The following IKBKB-DT variants were observed in gnomAD, a reference collection of about 807,000 sequenced individuals.
IKBKB-DT encodes IKBKB divergent transcript, also known as IKBKB antisense RNA.
chr8:42,269,956 A>T (rs1194889782), intron 1 of IKBKB-DT, among the ~76,000 whole-genome samples: 1 of 152,212 alleles, frequency 6.6e-6, no homozygotes, highest in East Asian at 1.9e-4. Flanking sequence ...AAAAATGACA[A>T]TTAAATGCAA....
exon 2 of IKBKB-DT, chr8:42,265,796 C>T (rs1807361366): frequency 6.6e-6 from 1 of 152,224 alleles, no homozygotes; most frequent in South Asian, 2.1e-4. Context: ...CTTGTTCCTC[C>T]AGAGAGGGTG....
At chr8:42,253,971 A>G (rs1807161901) in intron 3 of IKBKB-DT, among the ~76,000 whole-genome samples, 1 of 152,234 alleles carries the variant, frequency 6.6e-6, no homozygotes, top group Non-Finnish European at 1.5e-5. Flanking sequence ...TCAAATAAGG[A>G]AGAAGAACAG....
intron 3 of IKBKB-DT, chr8:42,249,118 C>T (rs1234228161): frequency 6.6e-6 from 1 of 152,026 alleles, no homozygotes; most frequent in East Asian, 1.9e-4. Context: ...CCTGCAATCC[C>T]AGCACTTTGG....
At chr8:42,255,069 C>A (rs113970402) in intron 3 of IKBKB-DT, among the ~76,000 whole-genome samples, 4,755 of 151,128 alleles carry the variant, frequency 0.031, 100 homozygotes, top group Non-Finnish European at 0.042. Flanking sequence ...AAGTGAAGAG[C>A]GCCGCTGCCC....
intron 3 of IKBKB-DT, among the ~76,000 whole-genome samples, chr8:42,247,175 G>T (rs571660879): frequency 2.6e-5 from 4 of 152,324 alleles, no homozygotes; most frequent in South Asian, 2.1e-4. Context: ...GCAGTCGGAG[G>T]GGGTGGGCTG....
intron 3 of IKBKB-DT, among the ~76,000 whole-genome samples, chr8:42,252,608 C>A (rs1807143241): frequency 6.6e-6 from 1 of 152,220 alleles, no homozygotes; most frequent in African/African-American, 2.4e-5. Context: ...CTCAAGCAAT[C>A]CTCCTGCGCT....
chr8:42,243,648 C>T (rs568616488), intron 3 of IKBKB-DT, among the ~76,000 whole-genome samples: 4 of 152,260 alleles, frequency 2.6e-5, no homozygotes, highest in South Asian at 2.1e-4. Context: ...AAAGCCACTT[C>T]GGTTTGAAGT....
rs1208809199 is a variant in IKBKB-DT at position 42,240,624 on chromosome 8, C to CAAA, written n.1530-6768_1530-6766dup. Among the ~76,000 whole-genome samples the CAAA allele has an allele frequency of 7.1e-3, 187 of 26,396 alleles. 19 individuals carry two copies. Among genetic ancestry groups the CAAA allele is most frequent in the African/African-American group, 1.0e-2 (57 of 5,706 alleles). The allele number at this position is 26,396 out of a possible 152,430, so 17.3% of individuals were successfully genotyped here. On this transcript the variant is annotated intron_variant and non_coding_transcript_variant, in intron 3 of 3. Coordinates refer to ENST00000518213, the Ensembl canonical transcript of IKBKB-DT. ...TGAGCGACAGAGCAAGACTCAGTCT[C>CAAA]AAAAAAAAAAAAAAAAAAAAAAAAA...
chr8:42,240,580 A>G (rs1185576940), intron 3 of IKBKB-DT, among the ~76,000 whole-genome samples: 5 of 141,260 alleles, frequency 3.5e-5, no homozygotes, highest in African/African-American at 1.4e-4. Flanking sequence ...AGCCAAGATC[A>G]TTCCACTGCA....
At chr8:42,242,900 T>C (rs1807021312) in intron 3 of IKBKB-DT, among the ~76,000 whole-genome samples, 1 of 152,212 alleles carries the variant, frequency 6.6e-6, no homozygotes, top group African/African-American at 2.4e-5. Context: ...AAGGCCCAGA[T>C]CATAACCAAA....
intron 3 of IKBKB-DT, among the ~76,000 whole-genome samples, chr8:42,240,848 A>G (rs1217165838): frequency 6.6e-6 from 1 of 150,474 alleles, no homozygotes; most frequent in South Asian, 2.1e-4. Context: ...GGTGGCACAC[A>G]CCTTTACTCC....
At chr8:42,270,958 C>T in exon 1 of IKBKB-DT, 1 of 213,446 alleles carries the variant, frequency 4.7e-6, no homozygotes, top group South Asian at 5.1e-5. Context: ...AGCCAACAGT[C>T]CCTAAATCAT....
intron 3 of IKBKB-DT, among the ~76,000 whole-genome samples, chr8:42,237,189 C>G (rs946166758): frequency 6.6e-5 from 10 of 151,864 alleles, no homozygotes; most frequent in Admixed American, 2.6e-4. Flanking sequence ...CGGGTTCAAG[C>G]GATCCTCCTG....
chr8:42,261,573 G>A (rs1336441610), intron 3 of IKBKB-DT, among the ~76,000 whole-genome samples: 2 of 152,132 alleles, frequency 1.3e-5, no homozygotes, highest in Admixed American at 1.3e-4. Flanking sequence ...AATAACCGAG[G>A]TTATTTCTGT....
intron 3 of IKBKB-DT, among the ~76,000 whole-genome samples, chr8:42,248,271 G>A (rs1426484800): frequency 6.6e-6 from 1 of 152,008 alleles, no homozygotes; most frequent in Non-Finnish European, 1.5e-5. Context: ...GGTAATGCTC[G>A]CTTGCCCACC....
At chr8:42,262,447 TTTATTTATTTAA>T (rs1807302935) in intron 3 of IKBKB-DT, among the ~76,000 whole-genome samples, 1 of 151,686 alleles carries the variant, frequency 6.6e-6, no homozygotes, top group African/African-American at 2.4e-5. Context: ...TATTTATTTA[TTTATTTATTTAA>T]GACAGAGTCT....
chr8:42,234,533 T>G (rs947517288), intron 3 of IKBKB-DT, among the ~76,000 whole-genome samples: 1 of 152,234 alleles, frequency 6.6e-6, no homozygotes, highest in Non-Finnish European at 1.5e-5. Flanking sequence ...TGTGTCTGAC[T>G]GCATTTGCCT....
At chr8:42,265,571 G>A (rs900518105) in intron 2 of IKBKB-DT, 1 of 152,220 alleles carries the variant, frequency 6.6e-6, no homozygotes, top group African/African-American at 2.4e-5. Context: ...CAGCCCATGG[G>A]TCAAAAGTAG....
chr8:42,259,752 T>C (rs574559451), intron 3 of IKBKB-DT, among the ~76,000 whole-genome samples: 19 of 152,086 alleles, frequency 1.2e-4, no homozygotes, highest in Non-Finnish European at 7.4e-5. Context: ...GAGGCCAAGG[T>C]GGGTGGATTG....
Sources: allele counts gnomAD v4.1 joint callset (sites outside exome capture counted in the v4.1 genomes callset), GRCh38; gene constraint gnomAD v4.1.1; transcripts MANE v1.5; gene names NCBI Gene and HGNC (gene_info 2026-07-23, HGNC 2026-07-21).